ST3GAL3: variants seen among roughly 807,000 people sequenced by gnomAD.
ST3GAL3 encodes ST3 beta-galactoside alpha-2,3-sialyltransferase 3, also known as CMP-N-acetylneuraminate-beta-1,4-galactoside alpha-2,3-sialyltransferase.
In ST3GAL3, 21 loss-of-function variants were observed where a neutral mutation model predicts 50.1. That is an observed-to-expected ratio of 0.42 (90% confidence interval 0.30 to 0.60). ST3GAL3 has a LOEUF of 0.60. Ranked by LOEUF, ST3GAL3 falls within the 20% of genes least tolerant of loss-of-function variation. ST3GAL3 has a pLI of 0.19. For synonymous variants in ST3GAL3, 183 were observed against 190.0 expected, an observed-to-expected ratio of 0.96 and a Z score of 0.30; for missense variants, 353 against 489.4, an observed-to-expected ratio of 0.72 and a Z score of 2.63.
intron 2 of ST3GAL3, chr1:43,736,651 C>G (rs1049946722): frequency 1.8e-6 from 1 of 544,140 alleles, no homozygotes; most frequent in Non-Finnish European, 3.3e-6. Context: ...CCAAACTATA[C>G]TCATACTTCT....
intron 2 of ST3GAL3, among the ~76,000 whole-genome samples, chr1:43,747,778 A>C (rs1684417428): frequency 6.6e-6 from 1 of 151,698 alleles, no homozygotes; most frequent in South Asian, 2.1e-4. Context: ...ACAGGGTTTC[A>C]CCATGTTGGC....
intron 5 of ST3GAL3, among the ~76,000 whole-genome samples, chr1:43,862,552 C>A (rs2070257413): frequency 6.6e-6 from 1 of 151,998 alleles, no homozygotes; most frequent in Non-Finnish European, 1.5e-5. Flanking sequence ...CATGTCCAGG[C>A]CCACTGTGCA....
At position 43,899,060 on chromosome 1, in the gene ST3GAL3, A is replaced by T; in HGVS notation, c.462-108A>T. ...AGAAGCCCATTGGTCTTCTTCCTCT[A>T]TCCCAGCCTGGTCCTGGACAAGGGC... On this transcript the variant is annotated intron_variant, in intron 7 of 11. Coordinates refer to ENST00000347631, the MANE Select transcript of ST3GAL3 (RefSeq NM_006279.5). The surrounding 1 kb of genome is among the most constrained non-coding windows in gnomAD (Gnocchi z 5.4). The T allele has an allele frequency of 1.3e-6, 2 of 1,517,762 alleles. No individual in the cohort carries two copies. Among genetic ancestry groups the T allele is most frequent in the Non-Finnish European group, 1.8e-6 (2 of 1,112,586 alleles). The allele number at this position is 1,517,762 out of a possible 1,614,324, so 94.0% of individuals were successfully genotyped here.
chr1:43,815,883 T>TTGGATGGATGGATGGATGGA lies in ST3GAL3; in HGVS notation c.209+981_209+1000dup, dbSNP rs3838469. On this transcript the variant is annotated intron_variant, in intron 4 of 11. Coordinates refer to ENST00000347631, the MANE Select transcript of ST3GAL3 (RefSeq NM_006279.5). ...TGCCCGTTAAACACTGAATGCTTGG[T>TTGGATGGATGGATGGATGGA]TGGATGGATGGATGGATGGATGGAT... 6.7e-4 allele frequency among the ~76,000 whole-genome samples: 97 copies of TTGGATGGATGGATGGATGGA among 145,396 alleles called. 1 individual carries two copies. The highest frequency in any genetic ancestry group is 1.7e-3 in the Admixed American group (24 of 14,428).
intron 2 of ST3GAL3, among the ~76,000 whole-genome samples, chr1:43,739,832 G>C (rs1680062626): frequency 6.6e-6 from 1 of 152,082 alleles, no homozygotes; most frequent in Non-Finnish European, 1.5e-5. Context: ...ACCTAGGCTT[G>C]GTCAGGTTGC....
chr1:43,791,156 G>A (rs531000467), intron 2 of ST3GAL3, among the ~76,000 whole-genome samples: 6 of 152,272 alleles, frequency 3.9e-5, no homozygotes, highest in Admixed American at 1.3e-4. Context: ...CACTTCTTCA[G>A]AGATGTCTTC....
chr1:43,843,979 T>C (rs1282124068), intron 5 of ST3GAL3, among the ~76,000 whole-genome samples: 1 of 152,236 alleles, frequency 6.6e-6, no homozygotes, highest in Non-Finnish European at 1.5e-5. Context: ...AAGTTGTGAA[T>C]TCCAAGACCA....
At chr1:43,770,215 G>A (rs930623691) in intron 2 of ST3GAL3, among the ~76,000 whole-genome samples, 2 of 71,862 alleles carry the variant, frequency 2.8e-5, no homozygotes, top group African/African-American at 9.9e-5. Context: ...GAGAAGTGAG[G>A]AGAGGAGAGG....
intron 4 of ST3GAL3, among the ~76,000 whole-genome samples, chr1:43,833,921 G>A (rs1470457023): frequency 1.3e-5 from 2 of 152,168 alleles, no homozygotes; most frequent in African/African-American, 2.4e-5. Context: ...CCAGTTTTGC[G>A]CTAGATCCTT....
chr1:43,775,259 G>A (rs1696750165), intron 2 of ST3GAL3, among the ~76,000 whole-genome samples: 1 of 148,708 alleles, frequency 6.7e-6, no homozygotes. Context: ...TCGAGACTGA[G>A]TCGCGCTCTT....
At chr1:43,810,273 A>AC (rs929924238) in intron 3 of ST3GAL3, among the ~76,000 whole-genome samples, 3 of 151,930 alleles carry the variant, frequency 2.0e-5, no homozygotes, top group African/African-American at 4.8e-5. Context: ...TGTCATAAGC[A>AC]CCCCCCTCTC....
At chr1:43,773,237 G>A (rs1695982617) in intron 2 of ST3GAL3, among the ~76,000 whole-genome samples, 1 of 152,134 alleles carries the variant, frequency 6.6e-6, no homozygotes, top group Non-Finnish European at 1.5e-5. Context: ...TCCAGCGGGC[G>A]TGATTTTGGC....
At chr1:43,759,225 C>T (rs747791501) in intron 2 of ST3GAL3, among the ~76,000 whole-genome samples, 2 of 152,046 alleles carry the variant, frequency 1.3e-5, no homozygotes, top group Non-Finnish European at 2.9e-5. Context: ...GCAGGTGGAT[C>T]AGGAGGTCAG....
At chr1:43,799,890 A>T (rs1434329172) in intron 3 of ST3GAL3, among the ~76,000 whole-genome samples, 1 of 152,114 alleles carries the variant, frequency 6.6e-6, no homozygotes, top group Non-Finnish European at 1.5e-5. Context: ...GACACAGTTG[A>T]TGCTGTGAAT....
intron 2 of ST3GAL3, among the ~76,000 whole-genome samples, chr1:43,778,966 G>A (rs1184067309): frequency 7.1e-6 from 1 of 141,022 alleles, no homozygotes; most frequent in East Asian, 2.2e-4. Flanking sequence ...TTTTCAGACA[G>A]AGTTTTGCTC....
rs534083925 is a variant in ST3GAL3, at chr1:43,928,574, TG to T, written c.1039-1555del. On this transcript the variant is annotated intron_variant, in intron 11 of 11. Coordinates refer to ENST00000347631, the MANE Select transcript of ST3GAL3 (RefSeq NM_006279.5). ...AAGATCGTGCCACTGCACTCCAGCC[TG>T]GGCAACAGAGCAAGACACCATCTGA... Among the ~76,000 whole-genome samples the T allele has an allele frequency of 4.8e-4, 72 of 150,870 alleles. 1 individual carries two copies. In the East Asian group the frequency reaches 0.013, roughly 27 times the overall value.
intron 2 of ST3GAL3, among the ~76,000 whole-genome samples, chr1:43,757,858 A>G (rs925098837): frequency 6.6e-6 from 1 of 152,182 alleles, no homozygotes; most frequent in Non-Finnish European, 1.5e-5. Context: ...AGCCTGGGAG[A>G]AAATATTGTG....
At chr1:43,726,414 G>C (rs1174815388) in intron 1 of ST3GAL3, among the ~76,000 whole-genome samples, 1 of 152,040 alleles carries the variant, frequency 6.6e-6, no homozygotes, top group Non-Finnish European at 1.5e-5. Context: ...AGCCTCCCAA[G>C]TAGCTGGGAC....
chr1:43,843,504 T>A (rs2065756415), intron 5 of ST3GAL3, among the ~76,000 whole-genome samples: 1 of 152,252 alleles, frequency 6.6e-6, no homozygotes. Flanking sequence ...GGCTAAAATT[T>A]TTCAAGGATT....
Sources: allele counts gnomAD v4.1 joint callset (sites outside exome capture counted in the v4.1 genomes callset), GRCh38; gene constraint gnomAD v4.1.1; non-coding constraint Gnocchi (gnomAD v3.1); transcripts MANE v1.5; gene names NCBI Gene and HGNC (gene_info 2026-07-23, HGNC 2026-07-21).